Variants in FYN observed in about 807,000 individuals in gnomAD.
FYN encodes tyrosine-protein kinase Fyn.
A neutral mutation model predicts 70.2 loss-of-function variants in FYN; 10 were observed. The ratio of observed to expected loss-of-function variants is 0.14; its 90% confidence interval spans 0.09 to 0.24. The LOEUF is 0.24. Ranked by LOEUF, FYN falls within the 10% of genes least tolerant of loss-of-function variation. The probability of loss-of-function intolerance (pLI) is 1.00; values close to 1 mark genes in which losing one functional copy is unlikely to be tolerated. For missense variants in FYN, 319 were observed against 673.1 expected, an observed-to-expected ratio of 0.47 and a Z score of 5.82; for synonymous variants, 236 against 248.6, an observed-to-expected ratio of 0.95 and a Z score of 0.48.
intron 2 of FYN, among the ~76,000 whole-genome samples, chr6:111,821,013 T>G (rs1428063821): frequency 1.3e-5 from 2 of 152,142 alleles, no homozygotes; most frequent in Non-Finnish European, 2.9e-5. Flanking sequence ...GGAGGATAAT[T>G]TTTTTTAAAA....
chr6:111,803,257 T>C (rs745631817), intron 2 of FYN, among the ~76,000 whole-genome samples: 3 of 152,244 alleles, frequency 2.0e-5, no homozygotes, highest in Non-Finnish European at 4.4e-5. Flanking sequence ...GGGGCACTCC[T>C]CTGAAAGTAT....
chr6:111,773,515 G>A (rs1396245768), intron 3 of FYN, among the ~76,000 whole-genome samples: 1 of 75,978 alleles, frequency 1.3e-5, no homozygotes, highest in Non-Finnish European at 2.6e-5. Context: ...GAGGGAGAGC[G>A]GGTGAGAGAG....
chr6:111,778,543 CT>C (rs1306767168), intron 3 of FYN, among the ~76,000 whole-genome samples: 1 of 151,686 alleles, frequency 6.6e-6, no homozygotes, highest in Admixed American at 6.6e-5. Context: ...TCCTCACTTT[CT>C]TTTTTTCTTT....
In FYN at chr6:111,785,120, G is replaced by C. The variant is rs536230719; in HGVS notation, c.-81-4485C>G. On this transcript the variant is annotated intron_variant, in intron 2 of 13. Transcript: ENST00000354650. Reference sequence around the variant, plus strand: ...TTCTATCAAGGAGTGGAAGAACATTGATTGGTTCTCCACAGGATGTTCCCA... The same window carrying C: ...TTCTATCAAGGAGTGGAAGAACATTCATTGGTTCTCCACAGGATGTTCCCA... Among the ~76,000 whole-genome samples the C allele has an allele frequency of 1.3e-4, 20 of 152,330 alleles. No homozygotes were observed. The South Asian group carries it at 4.1e-3, about 32-fold the overall frequency.
intron 3 of FYN, among the ~76,000 whole-genome samples, chr6:111,738,007 A>G (rs1226044101): frequency 6.6e-6 from 1 of 152,142 alleles, no homozygotes; most frequent in African/African-American, 2.4e-5. Context: ...ACTCTCACTC[A>G]TTTTCAACCT....
rs139715206 is a variant in FYN, at chr6:111,729,191, C to T, written c.-11-9129G>A. Among the ~76,000 whole-genome samples, 7 of 152,190 alleles carry T rather than the reference C, an allele frequency of 4.6e-5. No homozygotes were observed. In the East Asian group the frequency reaches 1.2e-3, roughly 25 times the overall value. On this transcript the variant is annotated intron_variant, in intron 3 of 13. Transcript: ENST00000354650. ...AAAAATTCTTAAAAATGGGCATACT[C>T]GGCCAGGTGTGGTGGTTCACACCTG...
At chr6:111,724,676 C>A (rs988697741) in intron 3 of FYN, among the ~76,000 whole-genome samples, 5 of 152,184 alleles carry the variant, frequency 3.3e-5, no homozygotes, top group African/African-American at 1.2e-4. Flanking sequence ...GTGAAACCGA[C>A]AACAAATAAC....
At chr6:111,731,854 C>T (rs995904373) in intron 3 of FYN, among the ~76,000 whole-genome samples, 4 of 152,150 alleles carry the variant, frequency 2.6e-5, no homozygotes, top group Non-Finnish European at 5.9e-5. Flanking sequence ...CCTGGGTGAG[C>T]CCAGGGTGGT....
At chr6:111,810,819 CCTT>C (rs1390846648) in intron 2 of FYN, among the ~76,000 whole-genome samples, 1 of 152,194 alleles carries the variant, frequency 6.6e-6, no homozygotes, top group Non-Finnish European at 1.5e-5. Flanking sequence ...AGCATTCTGT[CCTT>C]CTGAACTCTT....
rs1354512703 is a variant in FYN at position 111,784,696 on chromosome 6, G to A, written c.-81-4061C>T. The stretch of plus-strand genomic sequence containing the variant: ...TAACAGGGAAGACAACCTGTGATAT[G>A]TAATTACTGAAGGGTAAAAAAGGAA... On this transcript the variant is annotated intron_variant, in intron 2 of 13. Transcript: ENST00000354650. Among the ~76,000 whole-genome samples, 3 of 152,178 alleles carry A rather than the reference G, an allele frequency of 2.0e-5. No individual in the cohort carries two copies. In the East Asian group the frequency reaches 5.8e-4, roughly 29 times the overall value.
At position 111,707,998 on chromosome 6, in the gene FYN, G is replaced by T; in HGVS notation, c.367C>A (p.Arg123Ser). The change falls in exon 6 of 14, where the codon CGC (arginine) becomes AGC (serine). Residue 123 changes from arginine to serine, a missense_variant. Coordinates refer to ENST00000354650, the MANE Select transcript of FYN (RefSeq NM_002037.5). ...NSSEGDWWEA[R>S]SLTTGETGYI... ...CCTGTCTCTCCAGTTGTCAAGGAGC[G>T]GGCTTCCCACCAATCTCCTTCCCTG... is the stretch of plus-strand genomic sequence containing the variant. 1 of 1,613,718 alleles carries T rather than the reference G, an allele frequency of 6.2e-7. No homozygotes were observed. Among genetic ancestry groups the T allele is most frequent in the Non-Finnish European group, 8.5e-7 (1 of 1,179,694 alleles).
At chr6:111,808,730 C>T (rs1772231313) in intron 2 of FYN, among the ~76,000 whole-genome samples, 2 of 152,136 alleles carry the variant, frequency 1.3e-5, no homozygotes, top group African/African-American at 4.8e-5. Context: ...AAACCCTCAC[C>T]ACCATCATCA....
intron 12 of FYN, among the ~76,000 whole-genome samples, chr6:111,688,443 G>C (rs1799133795): frequency 6.6e-6 from 1 of 152,222 alleles, no homozygotes; most frequent in Admixed American, 6.5e-5. Context: ...TCTCACAAGA[G>C]TGTGGGGGGG....
At chr6:111,838,529 C>T (rs138978397) in intron 2 of FYN, among the ~76,000 whole-genome samples, 642 of 152,318 alleles carry the variant, frequency 4.2e-3, no homozygotes, top group Non-Finnish European at 7.0e-3. Context: ...AAGAACAACA[C>T]TGACCTGGAG....
chr6:111,806,431 T>C (rs1429757181), intron 2 of FYN, among the ~76,000 whole-genome samples: 3 of 152,136 alleles, frequency 2.0e-5, no homozygotes, highest in African/African-American at 4.8e-5. Context: ...AGGATCCCTG[T>C]CCCTAGGTTA....
intron 3 of FYN, chr6:111,740,887 T>A (rs1438112479): frequency 6.6e-6 from 1 of 152,156 alleles, no homozygotes; most frequent in East Asian, 1.9e-4. Flanking sequence ...GGCAGGTAGA[T>A]CATTTGAGCC....
chr6:111,814,749 A>G (rs1476288627), intron 2 of FYN, among the ~76,000 whole-genome samples: 4 of 152,226 alleles, frequency 2.6e-5, no homozygotes, highest in Admixed American at 2.6e-4. Flanking sequence ...TATAACAAAA[A>G]GTGGGAGATG....
intron 2 of FYN, among the ~76,000 whole-genome samples, chr6:111,799,677 T>A (rs537379963): frequency 1.8e-4 from 28 of 152,312 alleles, no homozygotes; most frequent in African/African-American, 6.7e-4. Flanking sequence ...CCCCTACCCC[T>A]CAGTTCTCCG....
At chr6:111,678,108 A>ATGTGTGTGTGTGTG (rs57015847) in intron 12 of FYN, among the ~76,000 whole-genome samples, 2,408 of 93,840 alleles carry the variant, frequency 0.026, 44 homozygotes, top group African/African-American at 0.037. Context: ...AGGCCATAAT[A>ATGTGTGTGTGTGTG]TGTGTGTGTG....
Sources: allele counts gnomAD v4.1 joint callset (sites outside exome capture counted in the v4.1 genomes callset), GRCh38; gene constraint gnomAD v4.1.1; transcripts MANE v1.5; gene names NCBI Gene and HGNC (gene_info 2026-07-23, HGNC 2026-07-21).